Variants in LRBA observed in about 807,000 individuals in gnomAD.
The protein encoded by LRBA is lipopolysaccharide-responsive and beige-like anchor protein.
LRBA carries 176 observed loss-of-function variants against 330.0 expected under a neutral mutation model. The ratio of observed to expected loss-of-function variants is 0.53; its 90% confidence interval spans 0.47 to 0.60. The LOEUF is 0.60. Ranked by LOEUF, LRBA falls within the 20% of genes least tolerant of loss-of-function variation. LRBA has a pLI of 0.00. For synonymous variants in LRBA, 1,230 were observed against 1,193.0 expected, an observed-to-expected ratio of 1.03 and a Z score of -0.64; for missense variants, 3,259 against 3,444.8, an observed-to-expected ratio of 0.95 and a Z score of 1.35.
intron 35 of LRBA, among the ~76,000 whole-genome samples, chr4:150,748,864 A>G (rs1382756154): frequency 6.6e-6 from 1 of 152,078 alleles, no homozygotes; most frequent in African/African-American, 2.4e-5. Context: ...GTCTTCACAC[A>G]ATGTTTAGCC....
chr4:150,819,753 C>A (rs760200940), intron 30 of LRBA, among the ~76,000 whole-genome samples: 1 of 152,070 alleles, frequency 6.6e-6, no homozygotes, highest in Non-Finnish European at 1.5e-5. Flanking sequence ...TAATTAAACA[C>A]AACAAAAGAA....
chr4:150,705,175 C>T (rs761688141), intron 36 of LRBA, among the ~76,000 whole-genome samples: 3 of 152,048 alleles, frequency 2.0e-5, no homozygotes, highest in Non-Finnish European at 2.9e-5. Context: ...TCTTAAGAGC[C>T]GGTAACCGTC....
chr4:151,010,578 A>G (rs1240952215), intron 2 of LRBA, among the ~76,000 whole-genome samples: 1 of 152,030 alleles, frequency 6.6e-6, no homozygotes, highest in Non-Finnish European at 1.5e-5. Context: ...GTTGGAAGGT[A>G]GCACTTAAGA....
At chr4:150,873,444 A>G (rs971319711) in intron 17 of LRBA, among the ~76,000 whole-genome samples, 3 of 152,100 alleles carry the variant, frequency 2.0e-5, no homozygotes, top group Non-Finnish European at 4.4e-5. Flanking sequence ...TACAAAAATT[A>G]GCTGGGTGTG....
At chr4:150,737,695 A>C (rs1385303610) in intron 35 of LRBA, among the ~76,000 whole-genome samples, 1 of 152,142 alleles carries the variant, frequency 6.6e-6, no homozygotes, top group Admixed American at 6.5e-5. Context: ...GAAGCTCCCA[A>C]AAGAATTTAG....
intron 35 of LRBA, among the ~76,000 whole-genome samples, chr4:150,739,611 G>A (rs968596868): frequency 1.3e-5 from 2 of 152,050 alleles, no homozygotes; most frequent in Non-Finnish European, 2.9e-5. Context: ...CAACAATGAA[G>A]GAATAACACT....
chr4:150,781,761 A>G (rs1205786085), intron 34 of LRBA, among the ~76,000 whole-genome samples: 1 of 152,094 alleles, frequency 6.6e-6, no homozygotes, highest in African/African-American at 2.4e-5. Context: ...ATATTAATTT[A>G]TTTTGCACCT....
chr4:150,947,059 A>G (rs1249971626), intron 2 of LRBA, among the ~76,000 whole-genome samples: 1 of 152,030 alleles, frequency 6.6e-6, no homozygotes, highest in Non-Finnish European at 1.5e-5. Context: ...TATAATTATT[A>G]AGGAAATTAA....
At chr4:150,747,099 C>A (rs1732848934) in intron 35 of LRBA, among the ~76,000 whole-genome samples, 1 of 152,162 alleles carries the variant, frequency 6.6e-6, no homozygotes, top group African/African-American at 2.4e-5. Context: ...CTTTTATACT[C>A]TAAGAACTCC....
intron 49 of LRBA, among the ~76,000 whole-genome samples, chr4:150,324,038 G>A (rs1732909180): frequency 6.6e-6 from 1 of 152,184 alleles, no homozygotes; most frequent in Non-Finnish European, 1.5e-5. Context: ...CAAGTCTGAA[G>A]AGGAGTTCAG....
At chr4:150,652,656 T>A (rs959269031) in intron 37 of LRBA, among the ~76,000 whole-genome samples, 2 of 152,094 alleles carry the variant, frequency 1.3e-5, no homozygotes, top group African/African-American at 2.4e-5. Context: ...CAGCACACAA[T>A]CAATATAAAA....
chr4:150,652,011 T>C (rs1286480991), intron 37 of LRBA, among the ~76,000 whole-genome samples: 1 of 152,046 alleles, frequency 6.6e-6, no homozygotes, highest in Non-Finnish European at 1.5e-5. Context: ...ACTCAGATAA[T>C]TTTTGTATTT....
In LRBA at chr4:150,790,310, T is replaced by C. The variant is rs75762442; in HGVS notation, c.5580+7771A>G. 1.1e-4 allele frequency among the ~76,000 whole-genome samples: 16 copies of C among 152,308 alleles called. No individual in the cohort carries two copies. In the East Asian group the frequency reaches 2.9e-3, roughly 27 times the overall value. On this transcript the variant is annotated intron_variant, in intron 34 of 56. Transcript: ENST00000651943. ...AAATCCTAGTGTGCTGGTGAATCCATAGGACGCCTGTATTTCAGGTCAAAT... is the reference window on the plus strand; with the variant it reads ...AAATCCTAGTGTGCTGGTGAATCCACAGGACGCCTGTATTTCAGGTCAAAT...
chr4:150,271,712 T>C (rs1223462514), intron 56 of LRBA, among the ~76,000 whole-genome samples: 1 of 152,118 alleles, frequency 6.6e-6, no homozygotes, highest in East Asian at 1.9e-4. Context: ...AGTAGGTGGT[T>C]TTACCCTCAC....
chr4:150,975,757 T>C (rs72721719), intron 2 of LRBA, among the ~76,000 whole-genome samples: 167 of 151,930 alleles, frequency 1.1e-3, no homozygotes, highest in Non-Finnish European at 1.7e-3. Flanking sequence ...TCAATATAAA[T>C]TATTTAACCT....
chr4:150,615,333 A>G (rs959453983), intron 37 of LRBA, among the ~76,000 whole-genome samples: 1 of 152,222 alleles, frequency 6.6e-6, no homozygotes, highest in Non-Finnish European at 1.5e-5. Flanking sequence ...GAGACCTGAC[A>G]TGTTTTAACG....
At chr4:150,266,940 A>G (rs1048926434) in intron 56 of LRBA, among the ~76,000 whole-genome samples, 37 of 152,144 alleles carry the variant, frequency 2.4e-4, no homozygotes, top group African/African-American at 2.4e-5. Flanking sequence ...ATAGTCTTTC[A>G]GTCAAAAACT....
At chr4:150,266,086 TGAACAGA>T (rs1745289141) in intron 56 of LRBA, among the ~76,000 whole-genome samples, 1 of 29,454 alleles carries the variant, frequency 3.4e-5, no homozygotes, top group South Asian at 6.4e-3. Flanking sequence ...AACTAAAATC[TGAACAGA>T]TTTGTAACTA....
At chr4:150,450,128 T>G (rs573578791) in intron 44 of LRBA, among the ~76,000 whole-genome samples, 28 of 152,212 alleles carry the variant, frequency 1.8e-4, no homozygotes, top group Admixed American at 4.6e-4. Flanking sequence ...AATAATGCCC[T>G]CCTGGGATAT....
Sources: gnomAD v4.1 joint callset for allele counts (sites outside exome capture counted in the v4.1 genomes callset) on GRCh38, gnomAD v4.1.1 for gene constraint, MANE v1.5 for transcripts, NCBI Gene and HGNC (gene_info 2026-07-23, HGNC 2026-07-21) for gene names.